The following GALNT8 variants were observed in gnomAD, a reference collection of about 807,000 sequenced individuals.
GALNT8 encodes the protein probable polypeptide N-acetylgalactosaminyltransferase 8.
GALNT8 carries 66 observed loss-of-function variants against 62.7 expected under a neutral mutation model. The ratio of observed to expected loss-of-function variants is 1.05; its 90% CI spans 0.86 to 1.29. The LOEUF is 1.29. GALNT8 is among the 50% of genes most tolerant of loss of function. The pLI is 0.00. For missense variants in GALNT8, 771 were observed against 791.8 expected (o/e 0.97, Z 0.32); for synonymous variants, 288 against 294.3 (o/e 0.98, Z 0.22).
At position 4,746,093 on chromosome 12, in the gene GALNT8, C is replaced by T. The variant is rs375935799; in HGVS notation, c.1059-51C>T. On this transcript the variant is annotated intron_variant, in intron 5 of 10. Coordinates refer to ENST00000252318, the MANE Select transcript of GALNT8 (RefSeq NM_017417.2). ...AATAATCATTGAGCATCCCACCCCT[C>T]GCCTCCGCTCCTTATGGAGAGATTA... is the stretch of plus-strand genomic sequence containing the variant. The T allele has an allele frequency of 6.6e-4, 682 of 1,034,152 alleles. 1 individual carries two copies. Among genetic ancestry groups the T allele is most frequent in the East Asian group, 4.5e-4 (19 of 42,174 alleles). 64.1% of individuals were successfully genotyped at this position (1,034,152 alleles called of 1,614,324 possible). A position where few individuals can be genotyped will look rare whatever the true frequency, so the allele number is the denominator to read the frequency against.
intron 9 of GALNT8, 62 bp downstream of exon 9, chr12:4,764,109 AC>A: frequency 1.1e-6 from 1 of 917,386 alleles, no homozygotes. Context: ...GCCCCTGGTA[AC>A]CATTGCTGGG....
At position 4,744,714 on chromosome 12, in the gene GALNT8, A is replaced by G. The variant is rs1191467287; in HGVS notation, c.860+14A>G. 1 of 1,584,556 alleles carries G rather than the reference A, an allele frequency of 6.3e-7. No individual in the cohort carries two copies. The highest frequency in any genetic ancestry group is 1.7e-5 in the Admixed American group (1 of 58,912). On this transcript the variant is annotated intron_variant, in intron 4 of 10. Coordinates refer to ENST00000252318, the MANE Select transcript of GALNT8 (RefSeq NM_017417.2). ...CAATGTTGGGTGGTAAGGCTCAAAG[A>G]GGCTAGTTCTTCTGGAAAGGGCAGA...
intron 6 of GALNT8, among the ~76,000 whole-genome samples, chr12:4,756,185 C>T (rs180891339): frequency 5.2e-4 from 79 of 152,282 alleles, no homozygotes; most frequent in Middle Eastern, 6.8e-3. Flanking sequence ...GTGTAATCTA[C>T]AGGGCCTCAT....
chr12:4,749,127 AAT>A lies in GALNT8; in HGVS notation c.1173+2873_1173+2874del, dbSNP rs536550589. 1.3e-3 allele frequency among the ~76,000 whole-genome samples: 201 copies of A among 152,236 alleles called. No individual in the cohort carries two copies. Among genetic ancestry groups the A allele is most frequent in the Admixed American group, 2.6e-3 (39 of 15,284 alleles). Reference sequence around the variant, plus strand: ...TTTGGTGGAGTCTTTATGTTTTTCCAATATAAGATTATGTCATCTGCAAACAA... The same window carrying A: ...TTTGGTGGAGTCTTTATGTTTTTCCAATAAGATTATGTCATCTGCAAACAA... On this transcript the variant is annotated intron_variant, in intron 6 of 10. Transcript: ENST00000252318. This position sits in a 1 kb window ranked among gnomAD's most constrained non-coding sequence, Gnocchi z 4.1.
intron 2 of GALNT8, among the ~76,000 whole-genome samples, chr12:4,729,647 T>C (rs1333747363): frequency 6.6e-6 from 1 of 152,156 alleles, no homozygotes; most frequent in Non-Finnish European, 1.5e-5. Flanking sequence ...ATTCCATCTA[T>C]TATGGAATAG....
chr12:4,727,450 A>G (rs1946201574), intron 2 of GALNT8, among the ~76,000 whole-genome samples: 1 of 152,164 alleles, frequency 6.6e-6, no homozygotes, highest in Non-Finnish European at 1.5e-5. Context: ...TATTCCCACA[A>G]TCAATTTTAA....
chr12:4,751,883 A>G (rs750787401), intron 6 of GALNT8, among the ~76,000 whole-genome samples: 1 of 152,114 alleles, frequency 6.6e-6, no homozygotes, highest in South Asian at 2.1e-4. Flanking sequence ...ATTGGGGCCT[A>G]TCTCTCTATT....
chr12:4,772,524 T>G lies in GALNT8; in HGVS notation c.1841T>G (p.Leu614Arg). ...KDLLGSHVLV[L>R]QTCSTQVWEI... is the part of the protein sequence containing the mutation. Reference sequence around the variant, plus strand: ...CTTTTGGGTAGCCACGTGCTTGTGCTCCAGACCTGTAGCACGCAAGTGTGG... The same window carrying G: ...CTTTTGGGTAGCCACGTGCTTGTGCGCCAGACCTGTAGCACGCAAGTGTGG... Residue 614 changes from leucine to arginine, a missense_variant, in exon 11 of 11, where the codon CTC becomes CGC. By Grantham distance (102) the Leu-to-Arg change is moderately radical. Transcript: ENST00000252318. 6.2e-7 allele frequency: 1 copy of G among 1,613,916 alleles called. No homozygotes were observed.
intron 6 of GALNT8, among the ~76,000 whole-genome samples, chr12:4,752,765 G>A (rs933542849): frequency 6.6e-6 from 1 of 152,146 alleles, no homozygotes; most frequent in Admixed American, 6.5e-5. Context: ...TATCACCAGT[G>A]AATTTTATCC....
At chr12:4,731,005 C>A (rs893309419) in intron 2 of GALNT8, among the ~76,000 whole-genome samples, 1 of 151,866 alleles carries the variant, frequency 6.6e-6, no homozygotes, top group Non-Finnish European at 1.5e-5. Flanking sequence ...CCCACCACCA[C>A]GCCCAGCTAA....
intron 2 of GALNT8, among the ~76,000 whole-genome samples, chr12:4,735,798 G>A (rs535701399): frequency 2.6e-5 from 4 of 152,324 alleles, no homozygotes; most frequent in African/African-American, 7.2e-5. Context: ...CATTCTAGAA[G>A]TGGGCTTCTG....
chr12:4,751,067 C>T (rs1022439017), intron 6 of GALNT8, among the ~76,000 whole-genome samples: 2 of 152,160 alleles, frequency 1.3e-5, no homozygotes, highest in African/African-American at 4.8e-5. Flanking sequence ...GGATAACTGG[C>T]TAGCCATATG....
At chr12:4,756,908 A>G (rs796433615) in intron 6 of GALNT8, among the ~76,000 whole-genome samples, 4 of 152,370 alleles carry the variant, frequency 2.6e-5, no homozygotes, top group African/African-American at 9.6e-5. Flanking sequence ...ATCTTAAATT[A>G]TAATCCCCAT....
chr12:4,734,151 A>G (rs561836865), intron 2 of GALNT8, among the ~76,000 whole-genome samples: 114 of 152,238 alleles, frequency 7.5e-4, no homozygotes, highest in African/African-American at 2.4e-3. Context: ...TTCTCCTCCT[A>G]CTATTACTAC....
chr12:4,765,513 G>A lies in GALNT8; in HGVS notation c.1728G>A (p.Lys576=). ...PTLEPCSKAA[K]NRLHIYWDFK... ...TAGAACCATGCTCCAAGGCAGCTAA[G>A]AATAGACTGCATATATATTGGGATT... Residue 576 remains lysine, a synonymous_variant, in exon 10 of 11, where the codon AAG becomes AAA. Coordinates refer to ENST00000252318, the MANE Select transcript of GALNT8 (RefSeq NM_017417.2). The A allele has an allele frequency of 6.2e-7, 1 of 1,610,642 alleles. No individual in the cohort carries two copies. Among genetic ancestry groups the A allele is most frequent in the South Asian group, 1.1e-5 (1 of 90,680 alleles).
chr12:4,740,840 A>G (rs1205197409), intron 3 of GALNT8, among the ~76,000 whole-genome samples: 1 of 152,218 alleles, frequency 6.6e-6, no homozygotes, highest in South Asian at 2.1e-4. Flanking sequence ...TCAACATCCT[A>G]CAGCTGGTAA....
intron 6 of GALNT8, among the ~76,000 whole-genome samples, chr12:4,752,534 GA>G (rs200703013): frequency 0.019 from 2,633 of 137,574 alleles, 30 homozygotes; most frequent in Middle Eastern, 0.055. Context: ...CCAAACAATT[GA>G]AAAAAAAAAA....
intron 6 of GALNT8, among the ~76,000 whole-genome samples, chr12:4,760,281 G>A (rs1472021032): frequency 6.6e-6 from 1 of 152,126 alleles, no homozygotes; most frequent in Admixed American, 6.5e-5. Context: ...TTTTATGCTG[G>A]GTATCAGTTG....
At chr12:4,720,943 C>A in intron 1 of GALNT8, 55 bp downstream of exon 1, 1 of 1,108,878 alleles carries the variant, frequency 9.0e-7, no homozygotes, top group African/African-American at 1.5e-5. Context: ...GTGTTTGGGG[C>A]ACTTAGGAAA....
Sources: allele counts gnomAD v4.1 joint callset (sites outside exome capture counted in the v4.1 genomes callset), GRCh38; gene constraint gnomAD v4.1.1; non-coding constraint Gnocchi (gnomAD v3.1); transcripts MANE v1.5; gene names NCBI Gene and HGNC (gene_info 2026-07-23, HGNC 2026-07-21).